Variants in PCDHA3 observed in about 807,000 individuals in gnomAD.
The protein encoded by PCDHA3 is protocadherin alpha 3.
PCDHA3 carries 41 observed loss-of-function variants against 62.2 expected under a neutral mutation model. That is an observed-to-expected ratio of 0.66 (90% confidence interval 0.51 to 0.86). The LOEUF (loss-of-function observed/expected upper bound fraction) is 0.86. PCDHA3 is among the 40% of genes least tolerant of loss of function. The probability of loss-of-function intolerance (pLI) is 0.00; values close to 1 mark genes in which losing one functional copy is unlikely to be tolerated. For synonymous variants in PCDHA3, 640 were observed against 555.4 expected (o/e 1.15, Z -2.14); for missense variants, 1,304 against 1,241.2 (o/e 1.05, Z -0.76).
At chr5:140,815,756 G>A (rs2126666979) in intron 1 of PCDHA3, 2 of 152,190 alleles carry the variant, frequency 1.3e-5, no homozygotes, top group African/African-American at 4.8e-5. Context: ...AACATTTCTT[G>A]TAAGGCAAGT....
chr5:140,848,730 C>T (rs1554142389), intron 1 of PCDHA3: 1 of 1,592,676 alleles, frequency 6.3e-7, no homozygotes, highest in Admixed American at 1.7e-5. Flanking sequence ...GGAGGTAAAT[C>T]TGCAGAATGG....
rs782816418 is a variant in PCDHA3, at chr5:140,802,503, T to G, written c.1306T>G (p.Trp436Gly). ...TCGGGACGGGGGCTCGCCTTCACTG[T>G]GGGCCACGGCCAGCGTGTCCGTGGA... ...TARDGGSPSL[W>G]ATASVSVEVA... Residue 436 changes from tryptophan to glycine, a missense_variant, in exon 1 of 4, where the codon TGG becomes GGG. By Grantham distance (184) the Trp-to-Gly change is radical. Transcript: ENST00000522353. 2 of 1,614,132 alleles carry G rather than the reference T, an allele frequency of 1.2e-6. No homozygotes were observed.
In PCDHA3 at chr5:140,856,432, C is replaced by T. The variant is rs782418117; in HGVS notation, c.2394+52841C>T. On this transcript the variant is annotated intron_variant, in intron 1 of 3. Transcript: ENST00000522353. ...TGGAAGTGAAGGACATTAACGACAA[C>T]CCGCCCAGGTTCTCCGTAACAGAAC... 1.9e-6 allele frequency: 3 copies of T among 1,598,272 alleles called. No individual in the cohort carries two copies. In the African/African-American group the frequency reaches 4.0e-5, roughly 22 times the overall value.
intron 1 of PCDHA3, chr5:140,969,137 T>A (rs1326685727): frequency 6.2e-7 from 1 of 1,614,036 alleles, no homozygotes. Flanking sequence ...CACCAAGACC[T>A]ACTGCTACAA....
chr5:140,829,381 G>T lies in PCDHA3; in HGVS notation c.2394+25790G>T. On this transcript the variant is annotated intron_variant, in intron 1 of 3. Coordinates refer to ENST00000522353, the MANE Select transcript of PCDHA3 (RefSeq NM_018906.3). ...AGTTGGTGGTAACCGCGCGGGACGG[G>T]GGCTCGCCTTCGCTGTGGGCCACCG... The T allele has an allele frequency of 1.9e-6, 3 of 1,614,200 alleles. No individual in the cohort carries two copies. In the South Asian group the frequency reaches 3.3e-5, roughly 18 times the overall value.
chr5:140,824,126 A>G, intron 1 of PCDHA3: 2 of 1,613,742 alleles, frequency 1.2e-6, no homozygotes, highest in South Asian at 1.1e-5. Flanking sequence ...TCTACAGACA[A>G]CGTGAGTTTT....
intron 1 of PCDHA3, among the ~76,000 whole-genome samples, chr5:140,885,376 G>T (rs1242393742): frequency 6.6e-6 from 1 of 152,032 alleles, no homozygotes; most frequent in Non-Finnish European, 1.5e-5. Context: ...AGTACCTTTT[G>T]GCAGTCCCTG....
At chr5:140,938,699 A>G (rs1418739484) in intron 1 of PCDHA3, among the ~76,000 whole-genome samples, 4 of 152,128 alleles carry the variant, frequency 2.6e-5, no homozygotes, top group African/African-American at 4.8e-5. Context: ...TTTTAAATAT[A>G]TGTTTATGAT....
chr5:140,945,709 G>C (rs1033770128), intron 1 of PCDHA3, among the ~76,000 whole-genome samples: 4 of 151,930 alleles, frequency 2.6e-5, no homozygotes, highest in Admixed American at 1.3e-4. Flanking sequence ...TGCAACAAAA[G>C]TATCAAGAAT....
intron 1 of PCDHA3, chr5:140,843,522 C>T: frequency 1.1e-5 from 17 of 1,595,794 alleles, no homozygotes; most frequent in Non-Finnish European, 1.5e-5. Flanking sequence ...GGGTGCCGGG[C>T]GGGCAAGCCC....
At chr5:140,920,611 C>T (rs919244668) in intron 1 of PCDHA3, among the ~76,000 whole-genome samples, 4 of 152,068 alleles carry the variant, frequency 2.6e-5, no homozygotes, top group Non-Finnish European at 5.9e-5. Flanking sequence ...TTTGGGAGGC[C>T]GAGGCGGATG....
At chr5:140,821,180 A>G (rs1200131570) in intron 1 of PCDHA3, among the ~76,000 whole-genome samples, 1 of 152,186 alleles carries the variant, frequency 6.6e-6, no homozygotes, top group Non-Finnish European at 1.5e-5. Context: ...TCCATTGACT[A>G]ATACAGAAAA....
intron 3 of PCDHA3, among the ~76,000 whole-genome samples, chr5:140,992,399 A>G (rs1276372325): frequency 1.3e-5 from 2 of 152,138 alleles, no homozygotes; most frequent in Admixed American, 6.6e-5. Context: ...ACTTAGAGAT[A>G]TTGTTCTGCC....
At chr5:140,870,069 A>G (rs376226695) in intron 1 of PCDHA3, 43 of 1,613,780 alleles carry the variant, frequency 2.7e-5, no homozygotes, top group Non-Finnish European at 3.4e-5. Flanking sequence ...TACAGGCTAC[A>G]GATAAGGGGA....
chr5:141,004,311 C>T (rs2098161581), intron 3 of PCDHA3, among the ~76,000 whole-genome samples: 1 of 152,210 alleles, frequency 6.6e-6, no homozygotes, highest in South Asian at 2.1e-4. Context: ...TTTTATACAA[C>T]AACCAGAACA....
At chr5:140,857,793 G>T (rs782663646) in intron 1 of PCDHA3, 3 of 1,597,706 alleles carry the variant, frequency 1.9e-6, no homozygotes, top group Non-Finnish European at 2.6e-6. Flanking sequence ...CTGGTGCTGC[G>T]GTCGGTGGTT....
At chr5:140,999,638 CTG>C (rs2097866913) in intron 3 of PCDHA3, among the ~76,000 whole-genome samples, 1 of 152,170 alleles carries the variant, frequency 6.6e-6, no homozygotes, top group Non-Finnish European at 1.5e-5. Flanking sequence ...GTAGAGAAAA[CTG>C]TGCAGCCTGA....
At chr5:140,835,905 G>T (rs1270383213) in intron 1 of PCDHA3, 2 of 1,612,070 alleles carry the variant, frequency 1.2e-6, no homozygotes, top group Admixed American at 1.7e-5. Flanking sequence ...GTCGAGCTAC[G>T]TGTCAGTGCA....
chr5:140,911,760 A>T (rs1295639313), intron 1 of PCDHA3, among the ~76,000 whole-genome samples: 1 of 151,962 alleles, frequency 6.6e-6, no homozygotes, highest in Non-Finnish European at 1.5e-5. Flanking sequence ...TCTCCATACT[A>T]TTAGAAGTAC....
Sources: allele counts gnomAD v4.1 joint callset (sites outside exome capture counted in the v4.1 genomes callset), GRCh38; gene constraint gnomAD v4.1.1; transcripts MANE v1.5; gene names NCBI Gene and HGNC (gene_info 2026-07-23, HGNC 2026-07-21).